The following MAOA variants were observed in gnomAD, a reference collection of about 807,000 sequenced individuals.
MAOA encodes the protein amine oxidase [flavin-containing] A.
In MAOA, 6 loss-of-function variants were observed where a neutral mutation model predicts 42.0. The observed-to-expected ratio is 0.14, with a 90% confidence interval of 0.08 to 0.28. The LOEUF is 0.28. Ranked by LOEUF, MAOA falls within the 10% of genes least tolerant of loss-of-function variation. The probability of loss-of-function intolerance (pLI) is 1.00; values close to 1 mark genes in which losing one functional copy is unlikely to be tolerated. For missense variants in MAOA, 262 were observed against 422.3 expected (o/e 0.62, Z 3.33); for synonymous variants, 140 against 154.0 (o/e 0.91, Z 0.67).
chrX:43,665,211 C>T (rs895184593), intron 1 of MAOA, among the ~76,000 whole-genome samples: 5 of 111,490 alleles, frequency 4.5e-5, no homozygotes, highest in Middle Eastern at 4.6e-3. Context: ...AACAAGCTTT[C>T]CTAAAGTGTG....
chrX:43,683,652 A>T, intron 2 of MAOA, 45 bp downstream of exon 2: 3 of 1,025,951 alleles, frequency 2.9e-6, no homozygotes, highest in Non-Finnish European at 4.1e-6. Context: ...TCTCACTCAA[A>T]CTACAAGTGG....
chrX:43,742,046 A>G lies in MAOA; in HGVS notation c.1261A>G (p.Arg421Gly). ...FPPGIMTQYG[R>G]VIRQPVGRIF... ...TCCTGGGATCATGACTCAATATGGA[A>G]GGTATTACGCAAGCACTACGCCAAT... The change falls in exon 12 of 15, where the codon AGG becomes GGG. Residue 421 changes from arginine to glycine, a missense_variant and splice_region_variant. By Grantham distance (125) the Arg-to-Gly change is moderately radical (BLOSUM62 -2). Around this residue, in one of 3 missense-constraint regions of MAOA, gnomAD observed 86 missense variants for 190.3 expected, o/e 0.45. Transcript: ENST00000338702. 8.3e-7 allele frequency: 1 copy of G among 1,211,472 alleles called. No individual in the cohort carries two copies. The highest frequency in any genetic ancestry group is 1.1e-6 in the Non-Finnish European group (1 of 895,478).
intron 5 of MAOA, among the ~76,000 whole-genome samples, chrX:43,719,708 G>A (rs1047522338): frequency 9.0e-6 from 1 of 111,172 alleles, no homozygotes; most frequent in African/African-American, 3.3e-5. Flanking sequence ...ATGACGTAGG[G>A]GAATGGGATC....
At chrX:43,735,028 G>T (rs1254464977) in intron 9 of MAOA, among the ~76,000 whole-genome samples, 1 of 111,998 alleles carries the variant, frequency 8.9e-6, no homozygotes, top group Non-Finnish European at 1.9e-5. Flanking sequence ...GCAAAATTAT[G>T]ACTATATCCC....
intron 1 of MAOA, among the ~76,000 whole-genome samples, chrX:43,662,601 C>A (rs1407274295): frequency 9.0e-6 from 1 of 111,544 alleles, no homozygotes; most frequent in Non-Finnish European, 1.9e-5. Context: ...GGGTCACAAT[C>A]TTTGTGCAGT....
intron 12 of MAOA, among the ~76,000 whole-genome samples, chrX:43,743,095 G>A (rs904975266): frequency 9.0e-6 from 1 of 110,689 alleles, no homozygotes; most frequent in Non-Finnish European, 1.9e-5. Context: ...GTGGGGGGCA[G>A]GACATGCAGC....
chrX:43,731,922 C>T (rs1251782882), intron 8 of MAOA, 69 bp downstream of exon 8: 8 of 991,378 alleles, frequency 8.1e-6, no homozygotes, highest in East Asian at 6.1e-5. Context: ...GATTATTGAA[C>T]AGAAGGTATT....
chrX:43,708,122 G>A (rs961832913), intron 3 of MAOA, among the ~76,000 whole-genome samples: 7 of 110,936 alleles, frequency 6.3e-5, no homozygotes, highest in Admixed American at 2.9e-4. Flanking sequence ...GGGACATTGC[G>A]TTCTGCTTGA....
intron 3 of MAOA, among the ~76,000 whole-genome samples, chrX:43,706,850 G>A (rs751716982): frequency 5.4e-4 from 60 of 110,709 alleles, no homozygotes; most frequent in Admixed American, 5.3e-3. Flanking sequence ...TGATGGTATG[G>A]CATCATTTAT....
At chrX:43,708,025 TG>T (rs774548664) in intron 3 of MAOA, among the ~76,000 whole-genome samples, 1 of 112,173 alleles carries the variant, frequency 8.9e-6, no homozygotes, top group African/African-American at 3.2e-5. Flanking sequence ...TGCCATCTCC[TG>T]GCAATAGTCT....
intron 5 of MAOA, among the ~76,000 whole-genome samples, chrX:43,727,424 G>A (rs985399755): frequency 6.2e-5 from 7 of 112,043 alleles, no homozygotes; most frequent in Non-Finnish European, 1.1e-4. Context: ...GGTGGGGTCC[G>A]CCCAGTTCGA....
intron 2 of MAOA, among the ~76,000 whole-genome samples, chrX:43,692,287 C>A (rs1001888877): frequency 2.7e-5 from 3 of 110,367 alleles, no homozygotes; most frequent in African/African-American, 9.9e-5. Context: ...ACTCCTTGTG[C>A]TGTGGGTTGG....
chrX:43,713,468 G>A (rs775168191), intron 5 of MAOA, among the ~76,000 whole-genome samples: 4 of 111,368 alleles, frequency 3.6e-5, no homozygotes, highest in East Asian at 2.8e-4. Flanking sequence ...CATGTACTCC[G>A]GAATTTAAAA....
At chrX:43,684,136 T>C (rs2033465824) in intron 2 of MAOA, among the ~76,000 whole-genome samples, 1 of 111,996 alleles carries the variant, frequency 8.9e-6, no homozygotes, top group Non-Finnish European at 1.9e-5. Flanking sequence ...TTGGCCCTTG[T>C]TCCCTAAGAA....
intron 2 of MAOA, among the ~76,000 whole-genome samples, chrX:43,690,745 C>CT (rs35235270): frequency 0.15 from 16,340 of 109,061 alleles, 1,281 homozygotes; most frequent in Non-Finnish European, 0.23. Flanking sequence ...TAAAGATAAG[C>CT]TTTTTTTTTC....
intron 1 of MAOA, among the ~76,000 whole-genome samples, chrX:43,673,956 TTAGGTCCACTTGGTG>T (rs2147076006): frequency 8.8e-6 from 1 of 113,103 alleles, no homozygotes; most frequent in South Asian, 3.6e-4. Context: ...TAGATGTCTA[TTAGGTCCACTTGGTG>T]CAGAGCTGAG....
intron 12 of MAOA, 132 bp downstream of exon 12, chrX:43,742,179 T>C: frequency 3.8e-6 from 4 of 1,050,992 alleles, no homozygotes; most frequent in Non-Finnish European, 5.1e-6. Flanking sequence ...TACTTGTATA[T>C]TTCTGGATGT....
chrX:43,720,858 G>A (rs2033783644), intron 5 of MAOA, among the ~76,000 whole-genome samples: 1 of 110,655 alleles, frequency 9.0e-6, no homozygotes, highest in Non-Finnish European at 1.9e-5. Context: ...AGGAAGATTG[G>A]ATGGTGTAGG....
intron 12 of MAOA, among the ~76,000 whole-genome samples, chrX:43,742,588 T>G (rs1340994550): frequency 1.8e-5 from 2 of 112,439 alleles, no homozygotes; most frequent in Non-Finnish European, 3.8e-5. Flanking sequence ...TTCATAGGCA[T>G]AGTGTCCGGT....
Sources: allele counts gnomAD v4.1 joint callset (sites outside exome capture counted in the v4.1 genomes callset), GRCh38; gene constraint gnomAD v4.1.1; regional missense constraint gnomAD v4.1.1; transcripts MANE v1.5; gene names NCBI Gene and HGNC (gene_info 2026-07-23, HGNC 2026-07-21).